KSR1: variants seen among roughly 807,000 people sequenced by gnomAD.
KSR1 encodes the protein kinase suppressor of ras 1.
KSR1 carries 35 observed loss-of-function variants against 92.9 expected under a neutral mutation model. The observed-to-expected ratio is 0.38, with a 90% CI of 0.29 to 0.50. The LOEUF is 0.50. Among genes scored for constraint, KSR1 ranks in the 20% least tolerant of loss-of-function variants. The probability of loss-of-function intolerance (pLI) is 0.94; values close to 1 mark genes in which losing one functional copy is unlikely to be tolerated. For synonymous variants in KSR1, 467 were observed against 472.6 expected, an observed-to-expected ratio of 0.99 and a Z score of 0.15; for missense variants, 972 against 1,158.5, an observed-to-expected ratio of 0.84 and a Z score of 2.34.
At chr17:27,593,017 C>G (rs1419359782) in intron 9 of KSR1, among the ~76,000 whole-genome samples, 1 of 152,238 alleles carries the variant, frequency 6.6e-6, no homozygotes, top group Non-Finnish European at 1.5e-5. Context: ...GGCAGCTGCC[C>G]AGCCCCAAAA....
chr17:27,590,529 G>A (rs1254094349), intron 6 of KSR1, among the ~76,000 whole-genome samples: 1 of 152,256 alleles, frequency 6.6e-6, no homozygotes, highest in East Asian at 1.9e-4. Flanking sequence ...GGGTCAAAGG[G>A]TATGCGCACT....
At chr17:27,531,402 C>A (rs73983459) in intron 1 of KSR1, among the ~76,000 whole-genome samples, 2,305 of 152,332 alleles carry the variant, frequency 0.015, 56 homozygotes, top group African/African-American at 0.052. Flanking sequence ...GCCTGGCAAA[C>A]CTTTTCCCCT....
intron 3 of KSR1, among the ~76,000 whole-genome samples, chr17:27,582,151 C>T (rs1013165383): frequency 9.9e-5 from 15 of 152,138 alleles, no homozygotes; most frequent in African/African-American, 2.7e-4. Context: ...GAGCCCTGCA[C>T]GAGCCAGTTC....
intron 1 of KSR1, among the ~76,000 whole-genome samples, chr17:27,548,588 G>T (rs1021943777): frequency 6.6e-6 from 1 of 151,242 alleles, no homozygotes; most frequent in African/African-American, 2.4e-5. Flanking sequence ...CCAACACTTT[G>T]GGAGGCAGAA....
intron 1 of KSR1, among the ~76,000 whole-genome samples, chr17:27,518,674 C>T (rs944367945): frequency 2.6e-5 from 4 of 152,126 alleles, no homozygotes; most frequent in African/African-American, 4.8e-5. Context: ...GGAAAGTGGA[C>T]GTAGGAGCAA....
intron 2 of KSR1, among the ~76,000 whole-genome samples, chr17:27,554,145 T>G (rs1054049625): frequency 2.6e-5 from 4 of 152,232 alleles, no homozygotes; most frequent in Non-Finnish European, 5.9e-5. Context: ...CTGTCATGCA[T>G]TAAAAACCCA....
intron 1 of KSR1, among the ~76,000 whole-genome samples, chr17:27,547,906 T>C (rs919140183): frequency 7.9e-5 from 12 of 151,960 alleles, no homozygotes; most frequent in African/African-American, 2.7e-4. Context: ...AGAGGCAGCA[T>C]TTCACCATAT....
intron 1 of KSR1, among the ~76,000 whole-genome samples, chr17:27,510,517 AGT>A (rs1452156126): frequency 6.6e-6 from 1 of 152,208 alleles, no homozygotes; most frequent in Non-Finnish European, 1.5e-5. Context: ...AATTGGAAAG[AGT>A]GTGGGAGCTA....
chr17:27,579,145 G>A (rs1277951899), intron 3 of KSR1: 5 of 152,284 alleles, frequency 3.3e-5, no homozygotes, highest in African/African-American at 1.2e-4. Flanking sequence ...CCAGGACACC[G>A]GCCTTTCGTC....
At chr17:27,488,663 C>T (rs1031870777) in intron 1 of KSR1, among the ~76,000 whole-genome samples, 2 of 152,156 alleles carry the variant, frequency 1.3e-5, no homozygotes, top group Non-Finnish European at 2.9e-5. Flanking sequence ...GAGTCCCTGT[C>T]TCTATTAAAA....
intron 1 of KSR1, among the ~76,000 whole-genome samples, chr17:27,474,118 A>C (rs1280575545): frequency 2.0e-5 from 3 of 152,238 alleles, no homozygotes; most frequent in Non-Finnish European, 4.4e-5. Flanking sequence ...TCTTAGAAGA[A>C]GACTTAGGCG....
intron 2 of KSR1, among the ~76,000 whole-genome samples, chr17:27,570,871 C>T (rs181654473): frequency 2.0e-5 from 3 of 152,306 alleles, no homozygotes; most frequent in Non-Finnish European, 2.9e-5. Context: ...CTGATTTGGC[C>T]GGTCTGAAGT....
chr17:27,480,630 C>T (rs1006583697), intron 1 of KSR1, among the ~76,000 whole-genome samples: 1 of 152,166 alleles, frequency 6.6e-6, no homozygotes, highest in Non-Finnish European at 1.5e-5. Flanking sequence ...AACTCCTGAC[C>T]TCAGGCGATC....
At chr17:27,471,457 C>CT (rs1194113031) in intron 1 of KSR1, among the ~76,000 whole-genome samples, 1 of 152,132 alleles carries the variant, frequency 6.6e-6, no homozygotes, top group Non-Finnish European at 1.5e-5. Context: ...CCACTGTAGC[C>CT]TGGAGGAGTG....
At chr17:27,591,098 G>A (rs2073151260) in intron 7 of KSR1, among the ~76,000 whole-genome samples, 1 of 152,202 alleles carries the variant, frequency 6.6e-6, no homozygotes. Flanking sequence ...TTACAAGGTA[G>A]ACCAAGGGGA....
At chr17:27,540,570 A>G (rs2070924109) in intron 1 of KSR1, among the ~76,000 whole-genome samples, 1 of 152,162 alleles carries the variant, frequency 6.6e-6, no homozygotes, top group Non-Finnish European at 1.5e-5. Flanking sequence ...CTTCCCCAGG[A>G]GAGTGCGGGT....
intron 3 of KSR1, among the ~76,000 whole-genome samples, chr17:27,581,494 T>TA (rs2072753513): frequency 6.6e-6 from 1 of 151,978 alleles, no homozygotes; most frequent in Non-Finnish European, 1.5e-5. Context: ...CGTATGCCCT[T>TA]ACCTTCCCAT....
Position 27,526,262 on chromosome 17 carries a change from G to T in KSR1, c.232-24306G>T, listed in dbSNP as rs192667719. The T allele has an allele frequency of 2.0e-3, 1,225 of 620,446 alleles. 41 individuals are homozygous for T. The Admixed American group carries it at 0.038, about 19-fold the overall frequency. 38.4% of individuals were successfully genotyped at this position (620,446 alleles called of 1,614,324 possible). On this transcript the variant is annotated intron_variant, in intron 1 of 20. Coordinates refer to ENST00000644974, the MANE Select transcript of KSR1 (RefSeq NM_001394583.1). Reference sequence around the variant, plus strand: ...GCTGTTTCCCTGAAGGAATTCTTAAGTTAGTGACTACTACCACTCAAATTT... The same window carrying T: ...GCTGTTTCCCTGAAGGAATTCTTAATTTAGTGACTACTACCACTCAAATTT...
At chr17:27,555,590 A>G (rs758651786) in intron 2 of KSR1, among the ~76,000 whole-genome samples, 2 of 151,912 alleles carry the variant, frequency 1.3e-5, no homozygotes, top group South Asian at 2.1e-4. Flanking sequence ...AGTATGCTTC[A>G]GCCCCCTCTG....
Sources: gnomAD v4.1 joint callset for allele counts (sites outside exome capture counted in the v4.1 genomes callset) on GRCh38, gnomAD v4.1.1 for gene constraint, MANE v1.5 for transcripts, NCBI Gene and HGNC (gene_info 2026-07-23, HGNC 2026-07-21) for gene names.